Variants in ABTB2 observed in about 807,000 individuals in gnomAD.
ABTB2 encodes the protein ankyrin repeat and BTB/POZ domain-containing protein 2.
A neutral mutation model predicts 104.1 loss-of-function variants in ABTB2; 56 were observed. The observed-to-expected ratio is 0.54, with a 90% CI of 0.43 to 0.67. The LOEUF (loss-of-function observed/expected upper bound fraction) is 0.67. Ranked by LOEUF, ABTB2 falls within the 30% of genes least tolerant of loss-of-function variation. The probability of loss-of-function intolerance (pLI) is 0.00; values close to 1 mark genes in which losing one functional copy is unlikely to be tolerated. For synonymous variants in ABTB2, 606 were observed against 608.2 expected, an observed-to-expected ratio of 1.00 and a Z score of 0.05; for missense variants, 1,279 against 1,407.7, an observed-to-expected ratio of 0.91 and a Z score of 1.46.
Position 34,272,624 on chromosome 11 carries a change from G to A in ABTB2, c.884-67934C>T, listed in dbSNP as rs924744995. ...CGGGAGGCTGAGGCAGGAGAATGGC[G>A]TGAACCTGGGAGGCGGAGCTTGCAG... On this transcript the variant is annotated intron_variant, in intron 1 of 16. Coordinates refer to ENST00000435224, the MANE Select transcript of ABTB2 (RefSeq NM_145804.3). Among the ~76,000 whole-genome samples, 13 of 146,886 alleles carry A rather than the reference G, an allele frequency of 8.9e-5. No homozygotes were observed. The East Asian group carries it at 2.1e-3, about 23-fold the overall frequency.
At chr11:34,355,672 C>G (rs1311308724) in intron 1 of ABTB2, among the ~76,000 whole-genome samples, 4 of 152,196 alleles carry the variant, frequency 2.6e-5, no homozygotes, top group African/African-American at 9.7e-5. Flanking sequence ...AGCTGCCCCC[C>G]AAATGGCCTT....
chr11:34,305,982 G>T (rs1392773114), intron 1 of ABTB2, among the ~76,000 whole-genome samples: 1 of 152,056 alleles, frequency 6.6e-6, no homozygotes, highest in East Asian at 1.9e-4. Flanking sequence ...TTAAGAGTCA[G>T]CAAAACCTCA....
intron 1 of ABTB2, among the ~76,000 whole-genome samples, chr11:34,303,439 T>C (rs970784387): frequency 6.6e-6 from 1 of 152,214 alleles, no homozygotes; most frequent in Non-Finnish European, 1.5e-5. Context: ...TTGCAAGGAA[T>C]ACAAGAGCAG....
At position 34,316,690 on chromosome 11, in the gene ABTB2, A is replaced by T. The variant is rs190287910; in HGVS notation, c.883+40011T>A. Among the ~76,000 whole-genome samples, 474 of 151,786 alleles carry T rather than the reference A, an allele frequency of 3.1e-3. 1 individual carries two copies. Among genetic ancestry groups the T allele is most frequent in the African/African-American group, 6.5e-3 (269 of 41,380 alleles). ...TCCATGAGCCCCAGAATATGTTTTT[A>T]AAAAAAAATACAGTGTGTACTTGAA... On this transcript the variant is annotated intron_variant, in intron 1 of 16. Coordinates refer to ENST00000435224, the MANE Select transcript of ABTB2 (RefSeq NM_145804.3).
At chr11:34,229,422 A>G (rs535491799) in intron 1 of ABTB2, among the ~76,000 whole-genome samples, 1 of 151,124 alleles carries the variant, frequency 6.6e-6, no homozygotes, top group Admixed American at 6.6e-5. Context: ...TGGAGCTTGC[A>G]GTGAGCAGAG....
intron 1 of ABTB2, among the ~76,000 whole-genome samples, chr11:34,349,054 T>A (rs1855368502): frequency 6.6e-6 from 1 of 152,178 alleles, no homozygotes; most frequent in African/African-American, 2.4e-5. Context: ...CTCCTCCCAA[T>A]CCTGCATGCA....
chr11:34,170,325 T>C (rs138708185), intron 5 of ABTB2, among the ~76,000 whole-genome samples: 111 of 152,382 alleles, frequency 7.3e-4, no homozygotes, highest in East Asian at 2.1e-3. Flanking sequence ...GTAAATGCTA[T>C]ATAAATGGTA....
intron 1 of ABTB2, among the ~76,000 whole-genome samples, chr11:34,215,866 T>C (rs982922194): frequency 3.3e-5 from 5 of 152,146 alleles, no homozygotes; most frequent in Admixed American, 6.5e-5. Flanking sequence ...ATAAAAGTTA[T>C]TGTCACTATT....
chr11:34,167,996 A>G lies in ABTB2; in HGVS notation c.1564-4T>C, dbSNP rs370573932. ...CGTACATCAGTGGCGTCATACCCTG[A>G]GCAAATCAAATGCACGTGCTAAACT... On this transcript the variant is annotated splice_polypyrimidine_tract_variant and splice_region_variant and intron_variant, in intron 5 of 16. Transcript: ENST00000435224. The G allele has an allele frequency of 4.8e-5, 78 of 1,613,828 alleles. No individual in the cohort carries two copies. Among genetic ancestry groups the G allele is most frequent in the Middle Eastern group, 1.6e-4 (1 of 6,062 alleles).
chr11:34,213,554 A>C (rs1020389350), intron 1 of ABTB2, among the ~76,000 whole-genome samples: 1 of 152,228 alleles, frequency 6.6e-6, no homozygotes, highest in Non-Finnish European at 1.5e-5. Context: ...ATGCTGGCTC[A>C]GTGGCACTTT....
At chr11:34,218,706 A>T (rs1853577495) in intron 1 of ABTB2, among the ~76,000 whole-genome samples, 1 of 151,906 alleles carries the variant, frequency 6.6e-6, no homozygotes, top group South Asian at 2.1e-4. Flanking sequence ...AAAATTAGCC[A>T]GGGGTGGTGG....
intron 1 of ABTB2, among the ~76,000 whole-genome samples, chr11:34,231,634 A>G (rs2957519): frequency 0.69 from 105,369 of 151,946 alleles, 36,614 homozygotes; most frequent in Middle Eastern, 0.8. Context: ...GCAATGGCGC[A>G]ATCTCAGTTC....
intron 1 of ABTB2, among the ~76,000 whole-genome samples, chr11:34,292,833 C>A (rs1199245674): frequency 6.6e-6 from 1 of 152,134 alleles, no homozygotes; most frequent in Non-Finnish European, 1.5e-5. Flanking sequence ...AAGGTAACAG[C>A]AGGTACAAAC....
intron 1 of ABTB2, among the ~76,000 whole-genome samples, chr11:34,354,410 G>A (rs889651260): frequency 6.8e-6 from 1 of 147,080 alleles, no homozygotes; most frequent in Admixed American, 7.0e-5. Flanking sequence ...GACTGCTGGA[G>A]CCCAGGAGTT....
intron 1 of ABTB2, among the ~76,000 whole-genome samples, chr11:34,340,557 T>C (rs1855251027): frequency 6.6e-6 from 1 of 152,140 alleles, no homozygotes; most frequent in East Asian, 1.9e-4. Flanking sequence ...AAGGATCCTT[T>C]CTACAGCTCA....
intron 1 of ABTB2, among the ~76,000 whole-genome samples, chr11:34,219,623 AC>A (rs1853591629): frequency 6.6e-6 from 1 of 152,230 alleles, no homozygotes; most frequent in Non-Finnish European, 1.5e-5. Context: ...GCAATGCATT[AC>A]CTTTTCTATA....
intron 1 of ABTB2, among the ~76,000 whole-genome samples, chr11:34,289,290 C>T (rs995306563): frequency 6.6e-6 from 1 of 152,180 alleles, no homozygotes; most frequent in South Asian, 2.1e-4. Flanking sequence ...AAACAAAGTA[C>T]ACATCAACAC....
intron 9 of ABTB2, among the ~76,000 whole-genome samples, chr11:34,164,115 C>CCGCTTTTCCAGCCT (rs1197545507): frequency 6.6e-6 from 1 of 152,110 alleles, no homozygotes; most frequent in Admixed American, 6.5e-5. Context: ...TTATCCAGCC[C>CCGCTTTTCCAGCCT]CGCTTTTCCA....
intron 1 of ABTB2, among the ~76,000 whole-genome samples, chr11:34,303,636 C>CTTTTTTTTT (rs35677380): frequency 3.8e-5 from 3 of 79,120 alleles, no homozygotes; most frequent in Non-Finnish European, 6.5e-5. Flanking sequence ...ACTATGGGTG[C>CTTTTTTTTT]TTTTTTTTTT....
Sources: gnomAD v4.1 joint callset for allele counts (sites outside exome capture counted in the v4.1 genomes callset) on GRCh38, gnomAD v4.1.1 for gene constraint, MANE v1.5 for transcripts, NCBI Gene and HGNC (gene_info 2026-07-23, HGNC 2026-07-21) for gene names.